Variants in POLE observed in about 807,000 individuals in gnomAD.
POLE encodes DNA polymerase epsilon catalytic subunit A.
POLE carries 188 observed loss-of-function variants against 279.2 expected under a neutral mutation model. The observed-to-expected ratio is 0.67, with a 90% confidence interval of 0.60 to 0.76. POLE has a LOEUF of 0.76. Among genes scored for constraint, POLE ranks in the 30% least tolerant of loss-of-function variants. The probability of loss-of-function intolerance (pLI) is 0.00; values close to 1 mark genes in which losing one functional copy is unlikely to be tolerated. For synonymous variants in POLE, 1,214 were observed against 1,172.5 expected (o/e 1.04, Z -0.72); for missense variants, 2,703 against 3,016.7 (o/e 0.90, Z 2.44).
At chr12:132,637,641 AC>A (rs1182621853) in intron 41 of POLE, among the ~76,000 whole-genome samples, 1 of 152,212 alleles carries the variant, frequency 6.6e-6, no homozygotes, top group Non-Finnish European at 1.5e-5. Context: ...ACTCGCCAAC[AC>A]TGACGTCTAT....
chr12:132,646,976 GAT>G (rs2138583241), intron 32 of POLE, among the ~76,000 whole-genome samples: 1 of 152,252 alleles, frequency 6.6e-6, no homozygotes, highest in African/African-American at 2.4e-5. Context: ...TGGGATTACA[GAT>G]ATGCAGCACT....
chr12:132,676,404 G>A (rs907001985), intron 9 of POLE, 142 bp downstream of exon 9: 21 of 719,082 alleles, frequency 2.9e-5, no homozygotes, highest in Non-Finnish European at 1.2e-5. Context: ...GCTGGAGGTC[G>A]GAACGGCTTG....
Position 132,642,575 on chromosome 12 carries a change from C to T in POLE, c.4883G>A (p.Gly1628Glu). 6.2e-7 allele frequency: 1 copy of T among 1,613,532 alleles called. No individual in the cohort carries two copies. The highest frequency in any genetic ancestry group is 8.5e-7 in the Non-Finnish European group (1 of 1,180,028). The change falls in exon 37 of 49, where the codon GGA becomes GAA. Residue 1628 changes from glycine (G) to glutamate (E), a missense_variant. By Grantham distance (98) the Gly-to-Glu change is moderately conservative (BLOSUM62 -2). Coordinates refer to ENST00000320574, the MANE Select transcript of POLE (RefSeq NM_006231.4). ...GTAGTGACGGATCATGCGCCGGGCT[C>T]CATGGCGCTGCCAGTCCAGGACCCC... ...NYGVLDWQRHGARRMIRHYLN... is the reference protein window; with the variant it reads ...NYGVLDWQRHEARRMIRHYLN...
rs2042856474 is a variant in POLE at position 132,668,763 on chromosome 12, G to A, written c.1924-26C>T. ...CTGGGAGGGGTGAGAAAGCACTTAG[G>A]GCTGGGCAGAGAGAGCTCCGACTCT... On this transcript the variant is annotated intron_variant, in intron 17 of 48. Coordinates refer to ENST00000320574, the MANE Select transcript of POLE (RefSeq NM_006231.4). This position sits in a 1 kb window ranked among gnomAD's most constrained non-coding sequence, Gnocchi z 4.0. The A allele has an allele frequency of 6.2e-7, 1 of 1,613,940 alleles. No individual in the cohort carries two copies.
chr12:132,666,745 A>T (rs1388971009), intron 20 of POLE, among the ~76,000 whole-genome samples: 1 of 152,138 alleles, frequency 6.6e-6, no homozygotes, highest in Non-Finnish European at 1.5e-5. Flanking sequence ...TTTGATGGAG[A>T]TAAGAGTTTC....
intron 32 of POLE, among the ~76,000 whole-genome samples, chr12:132,647,713 C>T (rs1240543206): frequency 4.6e-5 from 7 of 152,090 alleles, no homozygotes; most frequent in Non-Finnish European, 8.8e-5. Flanking sequence ...AGGGAAACAT[C>T]CCAAAAGTTA....
intron 13 of POLE, 31 bp downstream of exon 13, chr12:132,673,544 A>C: frequency 6.3e-7 from 1 of 1,593,656 alleles, no homozygotes; most frequent in Non-Finnish European, 8.5e-7. Context: ...TGCACACGGC[A>C]GCAGGGGCAG....
rs746041899 is a variant in POLE, at chr12:132,657,980, G to A, written c.3276-10C>T. ...GGCAAGTGGGATGGCCCTGGGTAAGGAAGACAGGCACACAGCTCAGTAACA... is the reference window on the plus strand; with the variant it reads ...GGCAAGTGGGATGGCCCTGGGTAAGAAAGACAGGCACACAGCTCAGTAACA... On this transcript the variant is annotated splice_polypyrimidine_tract_variant and intron_variant, in intron 26 of 48. Coordinates refer to ENST00000320574, the MANE Select transcript of POLE (RefSeq NM_006231.4). 21 of 1,561,672 alleles carry A rather than the reference G, an allele frequency of 1.3e-5. No homozygotes were observed. Among genetic ancestry groups the A allele is most frequent in the Non-Finnish European group, 1.9e-5 (21 of 1,132,248 alleles).
intron 32 of POLE, among the ~76,000 whole-genome samples, chr12:132,644,406 T>TCCTCCCACTTCAG (rs5744931): frequency 0.54 from 79,108 of 147,784 alleles, 22,387 homozygotes; most frequent in African/African-American, 0.72. Context: ...ACTCAAGTGA[T>TCCTCCCACTTCAG]CCTCCCAAAT....
Position 132,686,760 on chromosome 12 carries a change from G to C in POLE, c.62+494C>G, listed in dbSNP as rs368558047. Among the ~76,000 whole-genome samples, 6 of 152,210 alleles carry C rather than the reference G, an allele frequency of 3.9e-5. No homozygotes were observed. In the East Asian group the frequency reaches 7.8e-4, roughly 20 times the overall value. ...CAAAAAAATAAAACAGAGGAGACGA[G>C]GTCTCTCTCTGTAGCCCAGGCTGAT... is the stretch of plus-strand genomic sequence containing the variant. On this transcript the variant is annotated intron_variant, in intron 1 of 48. Transcript: ENST00000320574.
At chr12:132,636,068 T>C (rs2138488108) in intron 41 of POLE, 44 bp from the exon 42 acceptor site, 1 of 1,588,318 alleles carries the variant, frequency 6.3e-7, no homozygotes, top group Non-Finnish European at 8.6e-7. Flanking sequence ...GAAATCGACC[T>C]TGTTCTCAAC....
At chr12:132,680,118 C>A in intron 4 of POLE, 60 bp downstream of exon 4, 3 of 1,596,398 alleles carry the variant, frequency 1.9e-6, no homozygotes, top group Non-Finnish European at 2.6e-6. Context: ...TTCCCAGTTG[C>A]AAAGCCCACC....
chr12:132,675,613 C>A lies in POLE; in HGVS notation c.1107-96G>T. 1 of 1,590,936 alleles carries A rather than the reference C, an allele frequency of 6.3e-7. No individual in the cohort carries two copies. Among genetic ancestry groups the A allele is most frequent in the African/African-American group, 1.3e-5 (1 of 74,658 alleles). On this transcript the variant is annotated intron_variant, in intron 11 of 48. Transcript: ENST00000320574. The surrounding 1 kb of genome is among the most constrained non-coding windows in gnomAD (Gnocchi z 4.3). ...TCAGACCCAGGGAGGAACCCAGACACGGGAGGTGCAGAGTGAACCCAGGAG... is the reference window on the plus strand; with the variant it reads ...TCAGACCCAGGGAGGAACCCAGACAAGGGAGGTGCAGAGTGAACCCAGGAG...
Position 132,642,806 on chromosome 12 carries a change from C to T in POLE, c.4728+14G>A. ...AAGATGGGGCTCACACAGCAAGACC[C>T]CAACCACTCTCACCTTGTAGGCGAG... On this transcript the variant is annotated intron_variant, in intron 36 of 48. Coordinates refer to ENST00000320574, the MANE Select transcript of POLE (RefSeq NM_006231.4). 1 of 1,613,844 alleles carries T rather than the reference C, an allele frequency of 6.2e-7. No homozygotes were observed. Among genetic ancestry groups the T allele is most frequent in the East Asian group, 2.2e-5 (1 of 44,880 alleles).
chr12:132,625,951 G>C, intron 46 of POLE, 166 bp downstream of exon 46: 2 of 1,102,830 alleles, frequency 1.8e-6, no homozygotes, highest in South Asian at 1.5e-5. Context: ...ACAACATTCC[G>C]AACATGGTGT....
chr12:132,642,623 C>A lies in POLE; in HGVS notation c.4835G>T (p.Cys1612Phe), dbSNP rs1411134935. 1 of 1,613,466 alleles carries A rather than the reference C, an allele frequency of 6.2e-7. No individual in the cohort carries two copies. Among genetic ancestry groups the A allele is most frequent in the South Asian group, 1.1e-5 (1 of 91,088 alleles). ...CCCATAGTTGATCTTGTCAGCCACA[C>A]AGATAGGCACCAGTGGGAATTCCTC... ...VLEEFPLVPICVADKINYGVL... is the reference protein window; with the variant it reads ...VLEEFPLVPIFVADKINYGVL... The change falls in exon 37 of 49, where the codon TGT (cysteine) becomes TTT (phenylalanine). Residue 1612 changes from cysteine (C) to phenylalanine (F), a missense_variant. By Grantham distance (205) the Cys-to-Phe change is radical (BLOSUM62 -2). This residue lies in a region of POLE where 1,551 missense variants were observed against 1,686.1 expected (regional missense o/e 0.92). Transcript: ENST00000320574.
chr12:132,634,387 CAT>C lies in POLE; in HGVS notation c.5812-11_5812-10del, dbSNP rs745976640. The C allele has an allele frequency of 7.0e-5, 113 of 1,610,330 alleles. No individual in the cohort carries two copies. Among genetic ancestry groups the C allele is most frequent in the Non-Finnish European group, 9.1e-5 (107 of 1,177,408 alleles). ...GCTTTCTGGGAGTCTTGCTGTAACACATGAGACAACGCGGCTGTGTTTGCACC... is the reference window on the plus strand; with the variant it reads ...GCTTTCTGGGAGTCTTGCTGTAACACGAGACAACGCGGCTGTGTTTGCACC... On this transcript the variant is annotated splice_polypyrimidine_tract_variant and intron_variant, in intron 42 of 48. Transcript: ENST00000320574. This position sits in a 1 kb window ranked among gnomAD's most constrained non-coding sequence, Gnocchi z 4.0.
intron 25 of POLE, 98 bp downstream of exon 25, chr12:132,660,871 G>C (rs981454294): frequency 1.1e-6 from 1 of 939,598 alleles, no homozygotes; most frequent in Non-Finnish European, 1.6e-6. Flanking sequence ...TGTGTTCTTC[G>C]GTCACCTTGG....
At position 132,659,121 on chromosome 12, in the gene POLE, A is replaced by G. The variant is rs5744872; in HGVS notation, c.3275+174T>C. 4.2e-3 allele frequency among the ~76,000 whole-genome samples: 640 copies of G among 152,162 alleles called. 3 individuals carry two copies. The highest frequency in any genetic ancestry group is 6.7e-3 in the Non-Finnish European group (456 of 68,024). Reference sequence around the variant, plus strand: ...GTTGATGGACACTTATGCCATCCCCAAACTTGGTGTTAAACACAGCCCAAA... The same window carrying G: ...GTTGATGGACACTTATGCCATCCCCGAACTTGGTGTTAAACACAGCCCAAA... On this transcript the variant is annotated intron_variant, in intron 26 of 48. Coordinates refer to ENST00000320574, the MANE Select transcript of POLE (RefSeq NM_006231.4).
Sources: allele counts gnomAD v4.1 joint callset (sites outside exome capture counted in the v4.1 genomes callset), GRCh38; gene constraint gnomAD v4.1.1; regional missense constraint gnomAD v4.1.1; non-coding constraint Gnocchi (gnomAD v3.1); transcripts MANE v1.5; gene names NCBI Gene and HGNC (gene_info 2026-07-23, HGNC 2026-07-21).